PAQR3: variants seen among roughly 807,000 people sequenced by gnomAD.
PAQR3 encodes the protein Raf kinase trapping to Golgi.
A neutral mutation model predicts 41.7 loss-of-function variants in PAQR3; 39 were observed. That is an observed-to-expected ratio of 0.93 (90% CI 0.72 to 1.22). The LOEUF is 1.22. PAQR3 is among the 50% of genes most tolerant of loss of function. PAQR3 has a pLI of 0.00. For missense variants in PAQR3, 366 were observed against 385.6 expected (o/e 0.95, Z 0.42); for synonymous variants, 140 against 140.6 (o/e 1.00, Z 0.03).
chr4:78,926,924 G>C (rs1452890271), intron 3 of PAQR3, among the ~76,000 whole-genome samples: 1 of 152,052 alleles, frequency 6.6e-6, no homozygotes, highest in Non-Finnish European at 1.5e-5. Context: ...AAGTGAGCTG[G>C]TAAAATACTA....
downstream of PAQR3, among the ~76,000 whole-genome samples, chr4:78,907,737 C>T (rs1214859343): frequency 6.6e-6 from 1 of 152,088 alleles, no homozygotes; most frequent in Non-Finnish European, 1.5e-5. Flanking sequence ...ATTTCATAGA[C>T]TTGTTTGCTT....
intron 11 of PAQR3, among the ~76,000 whole-genome samples, chr4:78,903,693 T>TA (rs1198715818): frequency 1.3e-5 from 2 of 151,966 alleles, no homozygotes; most frequent in East Asian, 1.9e-4. Flanking sequence ...TACAGAATAT[T>TA]AAAAAAAATT....
At chr4:78,911,463 G>C (rs1244376027), downstream of PAQR3, 1 of 1,614,042 alleles carries the variant, frequency 6.2e-7, no homozygotes, top group South Asian at 1.1e-5. Flanking sequence ...AAGTCAAACA[G>C]CGCAGCTTAC....
At chr4:78,898,739 C>G (rs1303924513) in intron 11 of PAQR3, 1 of 150,614 alleles carries the variant, frequency 6.6e-6, no homozygotes, top group Non-Finnish European at 1.5e-5. Context: ...TGAGAAATAA[C>G]TTTATATGTA....
rs138012278 is a variant in PAQR3 at position 78,900,059 on chromosome 4, C to G, written c.*836+6049G>C. Among the ~76,000 whole-genome samples, 675 of 152,256 alleles carry G rather than the reference C, an allele frequency of 4.4e-3. 2 individuals are homozygous for G. The highest frequency in any genetic ancestry group is 0.015 in the African/African-American group (638 of 41,548). ...ATACACTAATTTTCTTTCGCCTCTG[C>G]TATCCCTATCTTCTTTTGTGTCTAA... On this transcript the variant is annotated intron_variant and NMD_transcript_variant, in intron 11 of 12. Coordinates refer to the PAQR3 transcript ENST00000342820.
Position 78,939,266 on chromosome 4 carries a change from A to G in PAQR3, c.-42T>C, listed in dbSNP as rs1737788217. The stretch of plus-strand genomic sequence containing the variant: ...CGCTCCCCGGCTCGGGAGCTCCCCC[A>G]GGTCCCGCCTCCCCGGGGAGGGGGC... On this transcript the variant is annotated 5_prime_UTR_variant, in exon 1 of 6. Coordinates refer to ENST00000512733, the MANE Select transcript of PAQR3 (RefSeq NM_001040202.2). The G allele has an allele frequency of 1.3e-6, 2 of 1,546,882 alleles. No homozygotes were observed. Among genetic ancestry groups the G allele is most frequent in the Non-Finnish European group, 1.7e-6 (2 of 1,149,942 alleles).
At chr4:78,889,012 G>A (rs578059294) in intron 11 of PAQR3, among the ~76,000 whole-genome samples, 61 of 152,254 alleles carry the variant, frequency 4.0e-4, no homozygotes, top group South Asian at 1.5e-3. Context: ...ATGAGGTCAG[G>A]AGATCAAGAC....
rs1349556692 is a variant in PAQR3, at chr4:78,915,235, AC to A, written c.*5303del. ...CCTGTTTATTGTTTAAGAGTGATAG[AC>A]TGTTGTCCTCTTGCTGGTGGAAAAT... is the stretch of plus-strand genomic sequence containing the variant. On this transcript the variant is annotated 3_prime_UTR_variant, in exon 6 of 6. Transcript: ENST00000512733. 6.6e-6 allele frequency: 1 copy of A among 151,974 alleles called. No individual in the cohort carries two copies. The highest frequency in any genetic ancestry group is 1.5e-5 in the Non-Finnish European group (1 of 67,902). 9.4% of individuals were successfully genotyped at this position (151,974 alleles called of 1,614,324 possible). A position where few individuals can be genotyped will look rare whatever the true frequency, so the allele number is the denominator to read the frequency against.
At chr4:78,921,626 A>T (rs889360271) in intron 5 of PAQR3, 1 of 926,668 alleles carries the variant, frequency 1.1e-6, no homozygotes, top group African/African-American at 1.8e-5. Context: ...AATTCTATCC[A>T]TGGACACCTT....
In PAQR3 at chr4:78,897,635, T is replaced by C. The variant is rs144711890; in HGVS notation, c.*836+8473A>G. ...ACTTTTTGATCCTTTTTCTTGCTACTTCTGTGTTTTCATAGCATTTTTTAT... is the reference window on the plus strand; with the variant it reads ...ACTTTTTGATCCTTTTTCTTGCTACCTCTGTGTTTTCATAGCATTTTTTAT... On this transcript the variant is annotated intron_variant and NMD_transcript_variant, in intron 11 of 12. Transcript: ENST00000342820. 4.8e-4 allele frequency among the ~76,000 whole-genome samples: 73 copies of C among 152,322 alleles called. 1 individual carries two copies. In the East Asian group the frequency reaches 0.014, roughly 29 times the overall value.
Position 78,926,507 on chromosome 4 carries a change from T to C in PAQR3, c.702+14A>G. On this transcript the variant is annotated intron_variant, in intron 4 of 5. Coordinates refer to ENST00000512733, the MANE Select transcript of PAQR3 (RefSeq NM_001040202.2). ...AAAAAAAAAAGAGAAAAATATTAAC[T>C]ACACTCAACCTACCTGTACAATAGG... is the stretch of plus-strand genomic sequence containing the variant. 6.3e-7 allele frequency: 1 copy of C among 1,584,600 alleles called. No individual in the cohort carries two copies. Among genetic ancestry groups the C allele is most frequent in the Non-Finnish European group, 8.6e-7 (1 of 1,160,572 alleles).
rs898898888 is a variant in PAQR3 at position 78,917,073 on chromosome 4, A to G, written c.*3466T>C. 6.6e-6 allele frequency: 1 copy of G among 151,976 alleles called. No homozygotes were observed. The highest frequency in any genetic ancestry group is 2.4e-5 in the African/African-American group (1 of 41,436). 9.4% of individuals were successfully genotyped at this position (151,976 alleles called of 1,614,324 possible). ...ATTAGAAAAGTTCTATTAACAAAGA[A>G]TAGTTTGCAGTGTATTACTGTTCAA... On this transcript the variant is annotated 3_prime_UTR_variant, in exon 6 of 6. Coordinates refer to ENST00000512733, the MANE Select transcript of PAQR3 (RefSeq NM_001040202.2).
rs1325676525 is a variant in PAQR3, at chr4:78,912,031, T to C, written c.*8508A>G. 5 of 1,594,402 alleles carry C rather than the reference T, an allele frequency of 3.1e-6. No individual in the cohort carries two copies. The South Asian group carries it at 3.4e-5, about 11-fold the overall frequency. ...TGCTGCTCCATTTCCTTCTAAACAG[T>C]AGATACTTCTGATGGATTCTCGGCA... On this transcript the variant is annotated 3_prime_UTR_variant, in exon 6 of 6. Transcript: ENST00000512733.
chr4:78,913,760 C>CTTT lies in PAQR3; in HGVS notation c.*6778_*6779insAAA, dbSNP rs1001331239. ...ATTGCTTTTTCCCTTCTTTTATATGCTAAATCAAATATAGATTTGTGGATA... is the reference window on the plus strand; with the variant it reads ...ATTGCTTTTTCCCTTCTTTTATATGCTTTTAAATCAAATATAGATTTGTGGATA... On this transcript the variant is annotated 3_prime_UTR_variant, in exon 6 of 6. Transcript: ENST00000512733. 6.6e-6 allele frequency: 1 copy of CTTT among 151,972 alleles called. No individual in the cohort carries two copies. The highest frequency in any genetic ancestry group is 1.5e-5 in the Non-Finnish European group (1 of 67,968). 9.4% of individuals were successfully genotyped at this position (151,972 alleles called of 1,614,324 possible).
chr4:78,922,513 T>A, intron 5 of PAQR3: 2 of 1,076,406 alleles, frequency 1.9e-6, no homozygotes, highest in Non-Finnish European at 2.5e-6. Context: ...AAACATCAGT[T>A]TTATGTACTC....
At position 78,912,154 on chromosome 4, in the gene PAQR3, G is replaced by A. The variant is rs1287965537; in HGVS notation, c.*8385C>T. 8.9e-6 allele frequency: 8 copies of A among 894,240 alleles called. No homozygotes were observed. In the African/African-American group the frequency reaches 1.2e-4, roughly 13 times the overall value. The allele number at this position is 894,240 out of a possible 1,614,324, so 55.4% of individuals were successfully genotyped here. A position where few individuals can be genotyped will look rare whatever the true frequency, so the allele number is the denominator to read the frequency against. On this transcript the variant is annotated 3_prime_UTR_variant, in exon 6 of 6. Transcript: ENST00000512733. ...TCATTCTTAAAGATCAGTCAGAATA[G>A]GTGATTTCTAAATAAACCAAATAGA...
intron 11 of PAQR3, among the ~76,000 whole-genome samples, chr4:78,901,526 AT>A (rs1182013705): frequency 6.6e-6 from 1 of 151,876 alleles, no homozygotes; most frequent in Non-Finnish European, 1.5e-5. Flanking sequence ...TCTGTTTAAG[AT>A]GGTGCCATTC....
intron 11 of PAQR3, among the ~76,000 whole-genome samples, chr4:78,891,887 T>G (rs559482738): frequency 1.2e-4 from 18 of 152,122 alleles, no homozygotes; most frequent in Non-Finnish European, 2.2e-4. Context: ...GATTACTGAG[T>G]CTAAAATGTG....
intron 11 of PAQR3, among the ~76,000 whole-genome samples, chr4:78,902,027 C>G (rs1303558663): frequency 6.6e-6 from 1 of 151,886 alleles, no homozygotes; most frequent in Non-Finnish European, 1.5e-5. Context: ...TACAGATTGT[C>G]AGTCCAAATG....
Sources: allele counts gnomAD v4.1 joint callset (sites outside exome capture counted in the v4.1 genomes callset), GRCh38; gene constraint gnomAD v4.1.1; transcripts MANE v1.5; gene names NCBI Gene and HGNC (gene_info 2026-07-23, HGNC 2026-07-21).